Variants in BAHD1 observed in about 807,000 individuals in gnomAD.
BAHD1 encodes the protein bromo adjacent homology domain-containing 1 protein.
A neutral mutation model predicts 63.1 loss-of-function variants in BAHD1; 20 were observed. That is an observed-to-expected ratio of 0.32 (90% CI 0.22 to 0.46). The LOEUF is 0.46. Ranked by LOEUF, BAHD1 falls within the 20% of genes least tolerant of loss-of-function variation. The pLI is 1.00. For synonymous variants in BAHD1, 408 were observed against 426.8 expected, an observed-to-expected ratio of 0.96 and a Z score of 0.54; for missense variants, 939 against 1,071.8, an observed-to-expected ratio of 0.88 and a Z score of 1.73.
rs1894125345 is a variant in BAHD1, at chr15:40,463,887, G to C, written c.1842G>C (p.Lys614Asn). The C allele has an allele frequency of 6.2e-7, 1 of 1,614,118 alleles. No homozygotes were observed. Among genetic ancestry groups the C allele is most frequent in the African/African-American group, 1.3e-5 (1 of 74,930 alleles). The stretch of plus-strand genomic sequence containing the variant: ...ATGAGCCGGAGCCAGCCATCCGAAA[G>C]AGCTACCAGGCGGTAGAGCGGCATG... ...VLDEPEPAIRKSYQAVERHGE... is the reference protein window; with the variant it reads ...VLDEPEPAIRNSYQAVERHGE... The change falls in exon 4 of 7, where the codon AAG becomes AAC. Residue 614 changes from lysine to asparagine, a missense_variant. Lys to Asn is a moderately conservative substitution (Grantham distance 94, BLOSUM62 0). Coordinates refer to ENST00000416165, the MANE Select transcript of BAHD1 (RefSeq NM_014952.5).
intron 1 of BAHD1, among the ~76,000 whole-genome samples, chr15:40,445,984 A>G (rs749636004): frequency 1.3e-5 from 2 of 152,200 alleles, no homozygotes; most frequent in Non-Finnish European, 2.9e-5. Context: ...AGAAAATACC[A>G]TGCGCAGTCA....
intron 1 of BAHD1, among the ~76,000 whole-genome samples, chr15:40,447,774 G>A (rs528140072): frequency 2.0e-5 from 3 of 152,272 alleles, no homozygotes; most frequent in Admixed American, 2.0e-4. Context: ...CTTCATTGCA[G>A]TCTGGGCTGG....
intron 5 of BAHD1, 32 bp from the exon 6 acceptor site, chr15:40,465,303 C>T (rs759902834): frequency 2.5e-6 from 4 of 1,602,020 alleles, no homozygotes; most frequent in East Asian, 4.5e-5. Context: ...CTTTCCAGCC[C>T]TGGTAACAAC....
upstream of BAHD1, among the ~76,000 whole-genome samples, chr15:40,438,583 G>C (rs1893323798): frequency 6.6e-6 from 1 of 152,134 alleles, no homozygotes; most frequent in African/African-American, 2.4e-5. Flanking sequence ...TTGGTGGGCT[G>C]TCATGACTAC....
chr15:40,439,417 C>G (rs754409898), upstream of BAHD1, among the ~76,000 whole-genome samples: 51 of 152,174 alleles, frequency 3.4e-4, no homozygotes, highest in Non-Finnish European at 4.9e-4. Context: ...AAAAGGCTGC[C>G]TGGGTGAGCG....
rs1251611193 is a variant in BAHD1, at chr15:40,459,294, G to A, written c.830G>A (p.Gly277Asp). The A allele has an allele frequency of 1.2e-6, 2 of 1,612,900 alleles. No homozygotes were observed. Among genetic ancestry groups the A allele is most frequent in the South Asian group, 1.1e-5 (1 of 91,082 alleles). The stretch of plus-strand genomic sequence containing the variant: ...GCTGCAGGCCCACCTGGCTGGCAAG[G>A]CTGCCCTGATGAACCATGGCCATCT... ...GEAAGPPGWQ[G>D]CPDEPWPSAT... Residue 277 changes from glycine to aspartate, a missense_variant, in exon 2 of 7, where the codon GGC (glycine) becomes GAC (aspartate). Coordinates refer to ENST00000416165, the MANE Select transcript of BAHD1 (RefSeq NM_014952.5).
Position 40,458,333 on chromosome 15 carries a change from C to A in BAHD1, c.-14-118C>A. The A allele has an allele frequency of 7.5e-7, 1 of 1,339,078 alleles. No individual in the cohort carries two copies. Among genetic ancestry groups the A allele is most frequent in the Non-Finnish European group, 1.0e-6 (1 of 997,442 alleles). The allele number at this position is 1,339,078 out of a possible 1,614,324, so 82.9% of individuals were successfully genotyped here. A position where few individuals can be genotyped will look rare whatever the true frequency, so the allele number is the denominator to read the frequency against. ...GTCCCAGGAAAATCCATACTGGAGA[C>A]AGGGTAGTTGTAGGCCAGGATCACT... On this transcript the variant is annotated intron_variant, in intron 1 of 6. Transcript: ENST00000416165. This position sits in a 1 kb window ranked among gnomAD's most constrained non-coding sequence, Gnocchi z 4.7.
chr15:40,458,690 C>G lies in BAHD1; in HGVS notation c.226C>G (p.Arg76Gly). The G allele has an allele frequency of 6.2e-7, 1 of 1,613,868 alleles. No homozygotes were observed. Among genetic ancestry groups the G allele is most frequent in the Non-Finnish European group, 8.5e-7 (1 of 1,180,006 alleles). ...CAAGGCCTGCAAAGTGCTGCTGACTCGCCTGGAGAATGTGGCCGGTCCCCG... is the reference window on the plus strand; with the variant it reads ...CAAGGCCTGCAAAGTGCTGCTGACTGGCCTGGAGAATGTGGCCGGTCCCCG... The part of the protein sequence containing the change: ...KPKACKVLLT[R>G]LENVAGPRSA... The change falls in exon 2 of 7, where the codon CGC becomes GGC. Residue 76 changes from arginine to glycine, a missense_variant. Arg to Gly is a moderately radical substitution (Grantham distance 125). Coordinates refer to ENST00000416165, the MANE Select transcript of BAHD1 (RefSeq NM_014952.5). The surrounding 1 kb of genome is among the most constrained non-coding windows in gnomAD (Gnocchi z 4.7).
rs760240040 is a variant in BAHD1, at chr15:40,466,099, G to A, written c.2312G>A (p.Arg771His). 2.5e-6 allele frequency: 4 copies of A among 1,613,912 alleles called. No individual in the cohort carries two copies. The highest frequency in any genetic ancestry group is 1.7e-5 in the Admixed American group (1 of 59,992). ...VFLCRHVYDF[R>H]HGRILKNPQ is the part of the protein sequence containing the mutation. Reference sequence around the variant, plus strand: ...CTTTGCCGCCATGTCTATGACTTCCGCCACGGGCGCATCCTTAAGAACCCC... The same window carrying A: ...CTTTGCCGCCATGTCTATGACTTCCACCACGGGCGCATCCTTAAGAACCCC... The change falls in exon 7 of 7, where the codon CGC becomes CAC. Residue 771 changes from arginine to histidine, a missense_variant. This residue lies in a region of BAHD1 where 68 missense variants were observed against 86.2 expected (regional missense o/e 0.79). Coordinates refer to ENST00000416165, the MANE Select transcript of BAHD1 (RefSeq NM_014952.5).
intron 1 of BAHD1, among the ~76,000 whole-genome samples, chr15:40,451,145 C>CAAAAA (rs397827665): frequency 9.8e-4 from 30 of 30,622 alleles, no homozygotes; most frequent in Non-Finnish European, 1.4e-3. Flanking sequence ...AACTCCATCT[C>CAAAAA]AAAAAAAAAA....
At chr15:40,451,145 CA>C (rs397827665) in intron 1 of BAHD1, among the ~76,000 whole-genome samples, 165 of 30,618 alleles carry the variant, frequency 5.4e-3, no homozygotes, top group South Asian at 0.02. Context: ...AACTCCATCT[CA>C]AAAAAAAAAA....
At chr15:40,457,085 A>G (rs767043840) in intron 1 of BAHD1, among the ~76,000 whole-genome samples, 4 of 152,072 alleles carry the variant, frequency 2.6e-5, no homozygotes, top group Non-Finnish European at 5.9e-5. Context: ...GGTCATATGC[A>G]TTTTCTGTCA....
In BAHD1 at chr15:40,463,931, G is replaced by A; in HGVS notation, c.1886G>A (p.Arg629Gln). The A allele has an allele frequency of 6.2e-7, 1 of 1,614,212 alleles. No individual in the cohort carries two copies. Among genetic ancestry groups the A allele is most frequent in the Non-Finnish European group, 8.5e-7 (1 of 1,180,044 alleles). Residue 629 changes from arginine to glutamine, a missense_variant, in exon 4 of 7, where the codon CGG becomes CAG. Physicochemically the swap from Arg to Gln is conservative, Grantham distance 43. Coordinates refer to ENST00000416165, the MANE Select transcript of BAHD1 (RefSeq NM_014952.5). ...VERHGETIRV[R>Q]DTVLLKSGPR... ...CGGCATGGGGAGACAATCCGAGTCC[G>A]GGACACCGTCCTTCTCAAATCAGGC...
chr15:40,460,563 C>T (rs1411651138), intron 2 of BAHD1, among the ~76,000 whole-genome samples: 1 of 152,196 alleles, frequency 6.6e-6, no homozygotes, highest in East Asian at 1.9e-4. Context: ...GCTTTGGTGT[C>T]TGCCTGCCTG....
At position 40,458,961 on chromosome 15, in the gene BAHD1, C is replaced by T. The variant is rs751125079; in HGVS notation, c.497C>T (p.Ser166Phe). 4 of 1,588,194 alleles carry T rather than the reference C, an allele frequency of 2.5e-6. No homozygotes were observed. Among genetic ancestry groups the T allele is most frequent in the Non-Finnish European group, 3.4e-6 (4 of 1,165,140 alleles). Residue 166 changes from serine to phenylalanine, a missense_variant, in exon 2 of 7, where the codon TCC becomes TTC. Physicochemically the swap from Ser to Phe is radical, Grantham distance 155. Coordinates refer to ENST00000416165, the MANE Select transcript of BAHD1 (RefSeq NM_014952.5). The surrounding 1 kb of genome is among the most constrained non-coding windows in gnomAD (Gnocchi z 4.7). ...DRDRATGGWS[S>F]SKKRPRLGDL... ...GATCGTGCTACTGGGGGCTGGTCCT[C>T]CTCCAAGAAGCGGCCCCGGCTGGGG...
intron 1 of BAHD1, among the ~76,000 whole-genome samples, chr15:40,451,172 A>AC (rs1893692149): frequency 6.7e-6 from 1 of 150,036 alleles, no homozygotes; most frequent in African/African-American, 2.5e-5. Flanking sequence ...AAAAAAAAAA[A>AC]CTTTAGCTTT....
chr15:40,464,038 TG>T lies in BAHD1; in HGVS notation c.1975+22del. On this transcript the variant is annotated intron_variant, in intron 4 of 6. Transcript: ENST00000416165. ...CGAGTCAGGTACCTCTCCCTCTGGC[TG>T]GGGACCCAAGGGGCAGCTGCCTTCA... The T allele has an allele frequency of 8.1e-6, 13 of 1,613,064 alleles. No homozygotes were observed. Among genetic ancestry groups the T allele is most frequent in the Non-Finnish European group, 1.1e-5 (13 of 1,179,502 alleles).
chr15:40,460,538 C>T (rs746364424), intron 2 of BAHD1, among the ~76,000 whole-genome samples: 1 of 152,164 alleles, frequency 6.6e-6, no homozygotes, highest in African/African-American at 2.4e-5. Flanking sequence ...GGATGGAATG[C>T]GATCAGGGCC....
At chr15:40,460,102 C>G (rs1423240326) in intron 2 of BAHD1, among the ~76,000 whole-genome samples, 2 of 152,272 alleles carry the variant, frequency 1.3e-5, no homozygotes, top group African/African-American at 4.8e-5. Context: ...CTCTGGACAG[C>G]CTTGCTCTGC....
Sources: allele counts gnomAD v4.1 joint callset (sites outside exome capture counted in the v4.1 genomes callset), GRCh38; gene constraint gnomAD v4.1.1; regional missense constraint gnomAD v4.1.1; non-coding constraint Gnocchi (gnomAD v3.1); transcripts MANE v1.5; gene names NCBI Gene and HGNC (gene_info 2026-07-23, HGNC 2026-07-21).